The following TTLL9 variants were observed in gnomAD, a reference collection of about 807,000 sequenced individuals.
TTLL9 encodes tubulin tyrosine ligase like 9.
Under a neutral mutation model 65.6 loss-of-function variants are expected in TTLL9, and 47 were observed. That is an observed-to-expected ratio of 0.72 (90% CI 0.57 to 0.91). TTLL9 has a LOEUF of 0.91. TTLL9 is among the 40% of genes least tolerant of loss of function. TTLL9 has a pLI of 0.00. For missense variants in TTLL9, 537 were observed against 568.8 expected (o/e 0.94, Z 0.57); for synonymous variants, 179 against 204.8 (o/e 0.87, Z 1.07).
Position 31,929,814 on chromosome 20 carries a change from C to T in TTLL9, c.748+3723C>T, listed in dbSNP as rs560114006. 2.0e-5 allele frequency among the ~76,000 whole-genome samples: 3 copies of T among 152,286 alleles called. No homozygotes were observed. The East Asian group carries it at 5.8e-4, about 29-fold the overall frequency. On this transcript the variant is annotated intron_variant, in intron 10 of 14. Transcript: ENST00000535842. Reference sequence around the variant, plus strand: ...GAGTCAAGCCCATCTGGCCAGATTGCTTCCCAGAAGAGTCCTTTTATCTTT... The same window carrying T: ...GAGTCAAGCCCATCTGGCCAGATTGTTTCCCAGAAGAGTCCTTTTATCTTT...
intron 3 of TTLL9, among the ~76,000 whole-genome samples, chr20:31,895,165 A>T (rs2063364637): frequency 6.6e-6 from 1 of 152,196 alleles, no homozygotes; most frequent in Admixed American, 6.5e-5. Flanking sequence ...ACAAAGGAAA[A>T]GTTTAGGGTT....
chr20:31,939,240 G>A lies in TTLL9; in HGVS notation c.1217G>A (p.Gly406Glu), dbSNP rs2064167339. ...GGGGCTCCTGACCTGTCGGGAATGG[G>A]AAACTTTGTGACCAACACACATCTC... ...EEGAPDLSGM[G>E]NFVTNTHLGC... Residue 406 changes from glycine (G) to glutamate (E), a missense_variant, in exon 14 of 15, where the codon GGA becomes GAA. Physicochemically the swap from Gly to Glu is moderately conservative, Grantham distance 98 (BLOSUM62 -2). Around this residue, in one of 3 missense-constraint regions of TTLL9, gnomAD observed 205 missense variants for 225.9 expected, o/e 0.91. Coordinates refer to ENST00000535842, the MANE Select transcript of TTLL9 (RefSeq NM_001008409.5). 1.9e-6 allele frequency: 3 copies of A among 1,613,582 alleles called. No individual in the cohort carries two copies. The East Asian group carries it at 6.7e-5, about 36-fold the overall frequency.
Position 31,874,451 on chromosome 20 carries a change from G to T in TTLL9, c.69+3256G>T, listed in dbSNP as rs375009372. ...TTTTGAGACAAAGTCTCACTCTGTC[G>T]CCCAGGCTGGAGTGCAATGGTGCAA... On this transcript the variant is annotated intron_variant, in intron 2 of 14. Coordinates refer to ENST00000535842, the MANE Select transcript of TTLL9 (RefSeq NM_001008409.5). 2.9e-5 allele frequency among the ~76,000 whole-genome samples: 4 copies of T among 137,170 alleles called. No homozygotes were observed. In the Admixed American group the frequency reaches 3.3e-4, roughly 11 times the overall value. The allele number at this position is 137,170 out of a possible 152,430, so 90.0% of individuals were successfully genotyped here. A position where few individuals can be genotyped will look rare whatever the true frequency, so the allele number is the denominator to read the frequency against.
intron 4 of TTLL9, among the ~76,000 whole-genome samples, chr20:31,900,862 C>G (rs2063467894): frequency 6.6e-6 from 1 of 152,182 alleles, no homozygotes; most frequent in Admixed American, 6.5e-5. Flanking sequence ...CCTCTCCTGC[C>G]TCTGCTCAAT....
At position 31,870,874 on chromosome 20, in the gene TTLL9, TA is replaced by T. The variant is rs1368701137; in HGVS notation, c.-80del. 1.8e-6 allele frequency: 1 copy of T among 547,688 alleles called. No individual in the cohort carries two copies. The highest frequency in any genetic ancestry group is 3.3e-5 in the Admixed American group (1 of 30,246). 33.9% of individuals were successfully genotyped at this position (547,688 alleles called of 1,614,324 possible). A position where few individuals can be genotyped will look rare whatever the true frequency, so the allele number is the denominator to read the frequency against. On this transcript the variant is annotated 5_prime_UTR_variant, in exon 1 of 15. It removes the in-frame stop codon of an upstream open reading frame in the 5' UTR. Transcript: ENST00000535842. This position sits in a 1 kb window ranked among gnomAD's most constrained non-coding sequence, Gnocchi z 6.6. ...ACCCAACTTCTCCCGCCTCGGCTTCTAGCAGAAACGTGACGGGGCTGGACTT... is the reference window on the plus strand; with the variant it reads ...ACCCAACTTCTCCCGCCTCGGCTTCTGCAGAAACGTGACGGGGCTGGACTT...
chr20:31,917,247 C>CA (rs537663238), intron 6 of TTLL9, among the ~76,000 whole-genome samples: 47 of 152,304 alleles, frequency 3.1e-4, no homozygotes, highest in Non-Finnish European at 5.3e-4. Context: ...CACAACCCCC[C>CA]AAGGCACTAA....
intron 10 of TTLL9, 51 bp from the exon 11 acceptor site, chr20:31,933,749 A>C: frequency 1.9e-6 from 3 of 1,578,476 alleles, no homozygotes; most frequent in Non-Finnish European, 2.6e-6. Context: ...TTCGTGGGGC[A>C]GAGCTCACCC....
At chr20:31,936,316 A>G (rs2064108324) in intron 12 of TTLL9, among the ~76,000 whole-genome samples, 1 of 152,142 alleles carries the variant, frequency 6.6e-6, no homozygotes, top group Admixed American at 6.5e-5. Context: ...AATCAGAATT[A>G]CCAAGTACAG....
chr20:31,892,390 G>C (rs2063320091), intron 3 of TTLL9, among the ~76,000 whole-genome samples: 1 of 151,990 alleles, frequency 6.6e-6, no homozygotes, highest in Non-Finnish European at 1.5e-5. Flanking sequence ...GGCTGGTCTG[G>C]AACCCCTGAC....
intron 4 of TTLL9, among the ~76,000 whole-genome samples, chr20:31,905,140 G>A (rs779736245): frequency 1.1e-4 from 16 of 152,178 alleles, no homozygotes; most frequent in East Asian, 9.6e-4. Context: ...GCACAATCTC[G>A]GCTCACTACA....
intron 7 of TTLL9, among the ~76,000 whole-genome samples, chr20:31,920,250 C>CAT (rs1439775314): frequency 2.0e-5 from 3 of 151,136 alleles, no homozygotes; most frequent in African/African-American, 7.3e-5. Context: ...CACACACACA[C>CAT]ATTCTCACAC....
chr20:31,884,763 A>G (rs896572957), intron 2 of TTLL9, among the ~76,000 whole-genome samples: 5 of 152,250 alleles, frequency 3.3e-5, no homozygotes, highest in Non-Finnish European at 7.3e-5. Flanking sequence ...CCTTATGATT[A>G]CATTGGGCCT....
At chr20:31,880,852 C>CT (rs35047352) in intron 2 of TTLL9, among the ~76,000 whole-genome samples, 64,837 of 108,254 alleles carry the variant, frequency 0.6, 20,504 homozygotes, top group Non-Finnish European at 0.65. Context: ...TCTTTCTTTC[C>CT]TTTTTTTTTT....
chr20:31,882,801 T>G (rs2063137070), intron 2 of TTLL9, among the ~76,000 whole-genome samples: 1 of 152,214 alleles, frequency 6.6e-6, no homozygotes, highest in Non-Finnish European at 1.5e-5. Flanking sequence ...CACTTAAAAC[T>G]GCTGGGCAAA....
chr20:31,926,680 T>C (rs573148588), intron 10 of TTLL9, among the ~76,000 whole-genome samples: 4 of 152,326 alleles, frequency 2.6e-5, no homozygotes, highest in East Asian at 1.9e-4. Flanking sequence ...TGGAATACTA[T>C]GAAGCTGTTA....
chr20:31,895,742 C>G (rs1398422432), intron 3 of TTLL9, among the ~76,000 whole-genome samples: 5 of 151,378 alleles, frequency 3.3e-5, no homozygotes, highest in African/African-American at 1.2e-4. Context: ...TCCCATAGAG[C>G]CTCCAAAAGG....
chr20:31,881,458 A>G (rs1354403635), intron 2 of TTLL9, among the ~76,000 whole-genome samples: 1 of 152,146 alleles, frequency 6.6e-6, no homozygotes, highest in East Asian at 1.9e-4. Context: ...CCCACATCCA[A>G]TAAAAGCCTC....
In TTLL9 at chr20:31,934,686, G is replaced by A. The variant is rs568036214; in HGVS notation, c.808-6G>A. Reference sequence around the variant, plus strand: ...TCCTCTCTCGACCCGGCTGCCCGGGGCCCAGGGCTGCAAGTGGACGCTGCA... The same window carrying A: ...TCCTCTCTCGACCCGGCTGCCCGGGACCCAGGGCTGCAAGTGGACGCTGCA... On this transcript the variant is annotated splice_polypyrimidine_tract_variant and splice_region_variant and intron_variant, in intron 11 of 14. Coordinates refer to ENST00000535842, the MANE Select transcript of TTLL9 (RefSeq NM_001008409.5). The A allele has an allele frequency of 1.1e-5, 18 of 1,607,304 alleles. 1 individual carries two copies. The South Asian group carries it at 1.8e-4, about 16-fold the overall frequency.
chr20:31,891,134 G>A (rs7266721), intron 3 of TTLL9, among the ~76,000 whole-genome samples: 16,748 of 152,000 alleles, frequency 0.11, 1,012 homozygotes, highest in Middle Eastern at 0.23. Context: ...ACTAAAAACC[G>A]CCCGGTGACC....
Sources: gnomAD v4.1 joint callset for allele counts (sites outside exome capture counted in the v4.1 genomes callset) on GRCh38, gnomAD v4.1.1 for gene constraint, gnomAD v4.1.1 regional missense constraint, Gnocchi (gnomAD v3.1) non-coding constraint, MANE v1.5 for transcripts, NCBI Gene and HGNC (gene_info 2026-07-23, HGNC 2026-07-21) for gene names.